The following ZNF106 variants were observed in gnomAD, a reference collection of about 807,000 sequenced individuals.
The protein encoded by ZNF106 is SH3-domain binding protein 3.
A neutral mutation model predicts 195.1 loss-of-function variants in ZNF106; 67 were observed. That is an observed-to-expected ratio of 0.34 (90% confidence interval 0.28 to 0.42). The LOEUF (loss-of-function observed/expected upper bound fraction) is 0.42. ZNF106 is among the 10% of genes least tolerant of loss of function. The pLI is 1.00. For synonymous variants in ZNF106, 784 were observed against 818.6 expected (o/e 0.96, Z 0.72); for missense variants, 2,118 against 2,304.5 (o/e 0.92, Z 1.66).
chr15:42,466,135 G>A, intron 2 of ZNF106, 21 bp from the exon 3 acceptor site: 2 of 1,503,090 alleles, frequency 1.3e-6, no homozygotes, highest in East Asian at 2.5e-5. Context: ...AAAGAAAGTA[G>A]ATTAAAACTA....
intron 13 of ZNF106, among the ~76,000 whole-genome samples, chr15:42,436,252 C>T (rs945297767): frequency 2.0e-5 from 3 of 152,136 alleles, no homozygotes; most frequent in Non-Finnish European, 2.9e-5. Flanking sequence ...TGTGCCCGGC[C>T]ACTGGTGGTG....
At chr15:42,461,462 C>T (rs2056390099) in intron 3 of ZNF106, among the ~76,000 whole-genome samples, 1 of 152,346 alleles carries the variant, frequency 6.6e-6, no homozygotes, top group East Asian at 1.9e-4. Context: ...GATACTCTCT[C>T]CATAAGCTTT....
rs540424387 is a variant in ZNF106 at position 42,421,652 on chromosome 15, G to T, written c.5445+265C>A. On this transcript the variant is annotated intron_variant, in intron 19 of 21. Coordinates refer to ENST00000564754, the MANE Select transcript of ZNF106 (RefSeq NM_001366845.3). ...CCATTCAGATCATGTCTCTGGAAAAGGCACCACTCAATTTTTTGAAGCATC... is the reference window on the plus strand; with the variant it reads ...CCATTCAGATCATGTCTCTGGAAAATGCACCACTCAATTTTTTGAAGCATC... 2.0e-5 allele frequency among the ~76,000 whole-genome samples: 3 copies of T among 152,282 alleles called. No individual in the cohort carries two copies. In the South Asian group the frequency reaches 6.2e-4, roughly 32 times the overall value.
chr15:42,467,272 T>C (rs577292122), intron 2 of ZNF106, among the ~76,000 whole-genome samples: 10 of 152,338 alleles, frequency 6.6e-5, no homozygotes, highest in African/African-American at 1.4e-4. Flanking sequence ...TGTTCACATA[T>C]ATAATAATAA....
intron 7 of ZNF106, 140 bp downstream of exon 7, chr15:42,446,449 T>C (rs2055772767): frequency 4.4e-6 from 3 of 687,172 alleles, no homozygotes; most frequent in South Asian, 3.3e-5. Context: ...TAGTGTCACA[T>C]ACCAGTAGTC....
At position 42,415,713 on chromosome 15, in the gene ZNF106, C is replaced by T. The variant is rs75968179; in HGVS notation, c.*1591G>A. 5.7e-6 allele frequency: 1 copy of T among 176,596 alleles called. No individual in the cohort carries two copies. The highest frequency in any genetic ancestry group is 1.2e-5 in the Non-Finnish European group (1 of 83,350). 10.9% of individuals were successfully genotyped at this position (176,596 alleles called of 1,614,324 possible). On this transcript the variant is annotated 3_prime_UTR_variant, in exon 22 of 22. Transcript: ENST00000564754. Reference sequence around the variant, plus strand: ...GGTATGTGGCCCTGGGCTCCTCCCCCAATTTTATCTCTCTGAAGAAGCTGA... The same window carrying T: ...GGTATGTGGCCCTGGGCTCCTCCCCTAATTTTATCTCTCTGAAGAAGCTGA...
At chr15:42,466,513 C>G (rs1454617133) in intron 2 of ZNF106, among the ~76,000 whole-genome samples, 1 of 152,052 alleles carries the variant, frequency 6.6e-6, no homozygotes. Context: ...CACAGTTTCT[C>G]AAGAGTAAGC....
At chr15:42,442,485 T>C in intron 9 of ZNF106, 71 bp from the exon 10 acceptor site, 1 of 1,325,438 alleles carries the variant, frequency 7.5e-7, no homozygotes. Context: ...TCTGAGCTAA[T>C]TTGTATTTTT....
At chr15:42,441,173 T>TAAA (rs752991984) in intron 10 of ZNF106, among the ~76,000 whole-genome samples, 1 of 114,772 alleles carries the variant, frequency 8.7e-6, no homozygotes, top group Non-Finnish European at 1.8e-5. Context: ...CATCTCTACT[T>TAAA]AAAAAAAAAA....
chr15:42,476,592 T>C (rs1223098763), intron 1 of ZNF106, among the ~76,000 whole-genome samples: 1 of 152,158 alleles, frequency 6.6e-6, no homozygotes, highest in East Asian at 1.9e-4. Flanking sequence ...TGAGCCACCA[T>C]GCCCAGCTTC....
chr15:42,485,516 C>A (rs1223389901), intron 1 of ZNF106, among the ~76,000 whole-genome samples: 5 of 152,154 alleles, frequency 3.3e-5, no homozygotes, highest in Admixed American at 2.0e-4. Context: ...TCCTCCCACA[C>A]CCCGAAGTAA....
intron 1 of ZNF106, 104 bp from the exon 2 acceptor site, chr15:42,472,425 T>C: frequency 1.3e-6 from 1 of 766,738 alleles, no homozygotes; most frequent in Non-Finnish European, 2.0e-6. Flanking sequence ...CACCTCCACC[T>C]TGCTCCTCCC....
At chr15:42,467,126 C>T (rs1992968) in intron 2 of ZNF106, among the ~76,000 whole-genome samples, 172 of 151,864 alleles carry the variant, frequency 1.1e-3, no homozygotes, top group African/African-American at 4.1e-3. Context: ...AACGAGACTC[C>T]GTCTCAAAAA....
Position 42,465,759 on chromosome 15 carries a change from G to A in ZNF106, c.116+294C>T, listed in dbSNP as rs576550949. 1.4e-4 allele frequency among the ~76,000 whole-genome samples: 22 copies of A among 152,296 alleles called. No individual in the cohort carries two copies. In the East Asian group the frequency reaches 3.5e-3, roughly 24 times the overall value. Reference sequence around the variant, plus strand: ...AATGTCCTAGTTGCAAGGCTAGCACGTAGGAATGAGAAAGCTTACTAATGA... The same window carrying A: ...AATGTCCTAGTTGCAAGGCTAGCACATAGGAATGAGAAAGCTTACTAATGA... On this transcript the variant is annotated intron_variant, in intron 3 of 21. Transcript: ENST00000564754.
At chr15:42,454,219 A>G (rs2056151653) in intron 4 of ZNF106, among the ~76,000 whole-genome samples, 2 of 152,256 alleles carry the variant, frequency 1.3e-5, no homozygotes, top group Admixed American at 1.3e-4. Flanking sequence ...GTCTATTTAG[A>G]AGTTCAAACA....
intron 3 of ZNF106, chr15:42,457,360 C>T (rs1431131987): frequency 4.2e-6 from 6 of 1,426,118 alleles, no homozygotes; most frequent in Non-Finnish European, 5.5e-6. Context: ...GATTCTTTTC[C>T]AGCAATCAAG....
intron 1 of ZNF106, among the ~76,000 whole-genome samples, chr15:42,488,036 A>T (rs2057054518): frequency 6.6e-6 from 1 of 152,216 alleles, no homozygotes; most frequent in South Asian, 2.1e-4. Flanking sequence ...GATTACATGT[A>T]AGACCTAATA....
intron 3 of ZNF106, among the ~76,000 whole-genome samples, chr15:42,464,500 G>A (rs1595483928): frequency 6.9e-6 from 1 of 144,068 alleles, no homozygotes; most frequent in East Asian, 2.1e-4. Context: ...ATAGACCAAA[G>A]ACATGGAATA....
At position 42,466,111 on chromosome 15, in the gene ZNF106, T is replaced by C. The variant is rs1214541756; in HGVS notation, c.58A>G (p.Met20Val). ...CHIVYSSKKE[M>V]DEHMRSMLHH... ...AACATGCTCCGCATGTGTTCGTCCA[T>C]CTCCTTCAAAATAAAAGAAAGTAGA... The change falls in exon 3 of 22, where the codon ATG becomes GTG. Residue 20 changes from methionine to valine, a missense_variant. Met to Val is a conservative substitution (Grantham distance 21). Coordinates refer to ENST00000564754, the MANE Select transcript of ZNF106 (RefSeq NM_001366845.3). The C allele has an allele frequency of 2.6e-6, 4 of 1,530,562 alleles. No individual in the cohort carries two copies. The highest frequency in any genetic ancestry group is 1.2e-5 in the South Asian group (1 of 82,880). 94.8% of individuals were successfully genotyped at this position (1,530,562 alleles called of 1,614,324 possible).
Sources: allele counts gnomAD v4.1 joint callset (sites outside exome capture counted in the v4.1 genomes callset), GRCh38; gene constraint gnomAD v4.1.1; transcripts MANE v1.5; gene names NCBI Gene and HGNC (gene_info 2026-07-23, HGNC 2026-07-21).